The following CTNNA1 variants were observed in gnomAD, a reference collection of about 807,000 sequenced individuals.
The protein encoded by CTNNA1 is catenin alpha 1.
CTNNA1 carries 37 observed loss-of-function variants against 98.4 expected under a neutral mutation model. The observed-to-expected ratio is 0.38, with a 90% confidence interval of 0.29 to 0.49. The LOEUF is 0.49. Ranked by LOEUF, CTNNA1 falls within the 20% of genes least tolerant of loss-of-function variation. CTNNA1 has a pLI of 0.95. For synonymous variants in CTNNA1, 404 were observed against 413.2 expected (o/e 0.98, Z 0.27); for missense variants, 761 against 1,147.2 (o/e 0.66, Z 4.86).
rs1305977977 is a variant in CTNNA1 at position 138,817,182 on chromosome 5, T to C, written c.588+4880T>C. ...TTTGTTGTGCAGAAGATTTTTAGTT[T>C]ATATAATTCCGTTTGTCTGTTTGAA... On this transcript the variant is annotated intron_variant, in intron 5 of 17. Transcript: ENST00000302763. Among the ~76,000 whole-genome samples, 3 of 152,246 alleles carry C rather than the reference T, an allele frequency of 2.0e-5. No individual in the cohort carries two copies. The East Asian group carries it at 5.8e-4, about 29-fold the overall frequency.
intron 4 of CTNNA1, among the ~76,000 whole-genome samples, chr5:138,811,209 C>T (rs1483769275): frequency 1.8e-3 from 257 of 144,390 alleles, no homozygotes; most frequent in Middle Eastern, 3.5e-3. Context: ...ACGGGGCGGC[C>T]GGGCAGAGAC....
Position 138,753,439 on chromosome 5 carries a change from A to G in CTNNA1, c.-74A>G, listed in dbSNP as rs1225162093. On this transcript the variant is annotated 5_prime_UTR_variant, in exon 1 of 18. Coordinates refer to ENST00000302763, the MANE Select transcript of CTNNA1 (RefSeq NM_001903.5). Reference sequence around the variant, plus strand: ...CGGCCCATTTCCTCCTCCTAGCCGGACTGGAGGGAGACAAAGCAGCGCCCG... The same window carrying G: ...CGGCCCATTTCCTCCTCCTAGCCGGGCTGGAGGGAGACAAAGCAGCGCCCG... 3 of 369,860 alleles carry G rather than the reference A, an allele frequency of 8.1e-6. No homozygotes were observed. Among genetic ancestry groups the G allele is most frequent in the Non-Finnish European group, 1.4e-5 (3 of 208,596 alleles). The allele number at this position is 369,860 out of a possible 1,614,324, so 22.9% of individuals were successfully genotyped here.
At chr5:138,858,604 T>TC (rs72325126) in intron 7 of CTNNA1, among the ~76,000 whole-genome samples, 6 of 146,342 alleles carry the variant, frequency 4.1e-5, no homozygotes, top group African/African-American at 1.3e-4. Context: ...CTTTTTTTTT[T>TC]TTTTTTTTTG....
intron 9 of CTNNA1, among the ~76,000 whole-genome samples, chr5:138,894,286 T>C (rs1346390796): frequency 6.7e-6 from 1 of 149,396 alleles, no homozygotes; most frequent in Non-Finnish European, 1.5e-5. Context: ...TTTCTCTTTT[T>C]TTTTTTTTTT....
At chr5:138,757,588 C>T (rs558775547) in intron 1 of CTNNA1, among the ~76,000 whole-genome samples, 3 of 152,310 alleles carry the variant, frequency 2.0e-5, no homozygotes, top group East Asian at 1.9e-4. Flanking sequence ...TCTTAAGACT[C>T]AGCACTTTCG....
chr5:138,861,917 A>T (rs1764320839), intron 7 of CTNNA1, among the ~76,000 whole-genome samples: 1 of 152,218 alleles, frequency 6.6e-6, no homozygotes. Flanking sequence ...TAGTAAGCCC[A>T]CGGTCAAGAG....
At chr5:138,859,505 A>G (rs1764065268) in intron 7 of CTNNA1, among the ~76,000 whole-genome samples, 1 of 152,212 alleles carries the variant, frequency 6.6e-6, no homozygotes. Flanking sequence ...ACGACTAATA[A>G]ACATTCTAAC....
At position 138,783,364 on chromosome 5, in the gene CTNNA1, G is replaced by A. The variant is rs746832628; in HGVS notation, c.293G>A (p.Arg98Gln). 28 of 1,612,850 alleles carry A rather than the reference G, an allele frequency of 1.7e-5. No homozygotes were observed. In the Admixed American group the frequency reaches 3.5e-4, roughly 20 times the overall value. The change falls in exon 3 of 18, where the codon CGA becomes CAA. Residue 98 changes from arginine to glutamine, a missense_variant. Physicochemically the swap from Arg to Gln is conservative, Grantham distance 43 (BLOSUM62 1). This residue lies in a region of CTNNA1 where 328 missense variants were observed against 354.3 expected (regional missense o/e 0.93). Coordinates refer to ENST00000302763, the MANE Select transcript of CTNNA1 (RefSeq NM_001903.5). ...EELVAAVEDVRKQGDLMKAAA... is the reference protein window; with the variant it reads ...EELVAAVEDVQKQGDLMKAAA... Reference sequence around the variant, plus strand: ...CTTGTGGCTGCTGTAGAAGATGTTCGAAAACAAGGTAGGTCATTACTGCTT... The same window carrying A: ...CTTGTGGCTGCTGTAGAAGATGTTCAAAAACAAGGTAGGTCATTACTGCTT...
At chr5:138,789,500 C>T (rs915904245) in intron 3 of CTNNA1, among the ~76,000 whole-genome samples, 5 of 152,072 alleles carry the variant, frequency 3.3e-5, no homozygotes, top group Admixed American at 2.6e-4. Flanking sequence ...CTCTGTCGTC[C>T]AGGCCGGAAT....
chr5:138,781,875 A>C (rs1755151979), intron 1 of CTNNA1, 48 bp from the exon 2 acceptor site: 3 of 1,512,398 alleles, frequency 2.0e-6, no homozygotes, highest in Admixed American at 4.7e-5. Context: ...TACATATTTC[A>C]TGTTTGTGTT....
intron 5 of CTNNA1, among the ~76,000 whole-genome samples, chr5:138,816,995 C>T (rs898460962): frequency 2.0e-5 from 3 of 152,146 alleles, no homozygotes; most frequent in African/African-American, 7.2e-5. Context: ...CCCACCGTGC[C>T]CGGCTACATT....
intron 3 of CTNNA1, among the ~76,000 whole-genome samples, chr5:138,792,284 A>G (rs1756465055): frequency 6.6e-6 from 1 of 152,166 alleles, no homozygotes; most frequent in Non-Finnish European, 1.5e-5. Context: ...ATCCCTGACA[A>G]AAGGTTATTG....
At chr5:138,916,267 T>C (rs565449709) in intron 10 of CTNNA1, among the ~76,000 whole-genome samples, 2 of 151,274 alleles carry the variant, frequency 1.3e-5, no homozygotes, top group African/African-American at 4.9e-5. Context: ...GTGATGAAAA[T>C]GTTCTAAAAC....
chr5:138,794,258 C>G (rs769310248), intron 3 of CTNNA1, among the ~76,000 whole-genome samples: 1 of 152,044 alleles, frequency 6.6e-6, no homozygotes, highest in Admixed American at 6.6e-5. Flanking sequence ...CTCAGGTGAT[C>G]GGCCTGCCTT....
intron 9 of CTNNA1, among the ~76,000 whole-genome samples, chr5:138,897,308 C>T (rs894095779): frequency 1.1e-5 from 1 of 87,234 alleles, no homozygotes; most frequent in African/African-American, 4.7e-5. Context: ...CCCCCCCCCC[C>T]GCCCCCGCCC....
intron 1 of CTNNA1, among the ~76,000 whole-genome samples, chr5:138,773,042 G>T (rs1753719882): frequency 6.6e-6 from 1 of 152,228 alleles, no homozygotes; most frequent in Non-Finnish European, 1.5e-5. Flanking sequence ...ATAAGTGACA[G>T]TGCTGGTTCC....
chr5:138,757,992 T>C (rs1751870984), intron 1 of CTNNA1, among the ~76,000 whole-genome samples: 1 of 152,044 alleles, frequency 6.6e-6, no homozygotes, highest in Non-Finnish European at 1.5e-5. Flanking sequence ...ATGTGTAATA[T>C]ATTCTTTTTT....
At chr5:138,815,305 G>T (rs1183287123) in intron 5 of CTNNA1, among the ~76,000 whole-genome samples, 2 of 151,948 alleles carry the variant, frequency 1.3e-5, no homozygotes, top group Non-Finnish European at 2.9e-5. Flanking sequence ...ATACATGCTG[G>T]ATAATCTTCT....
chr5:138,791,347 G>C (rs948405131), intron 3 of CTNNA1, among the ~76,000 whole-genome samples: 2 of 151,908 alleles, frequency 1.3e-5, no homozygotes, highest in African/African-American at 4.8e-5. Context: ...GGCCGGGTGC[G>C]GTGGCTCATG....
Sources: allele counts gnomAD v4.1 joint callset (sites outside exome capture counted in the v4.1 genomes callset), GRCh38; gene constraint gnomAD v4.1.1; regional missense constraint gnomAD v4.1.1; transcripts MANE v1.5; gene names NCBI Gene and HGNC (gene_info 2026-07-23, HGNC 2026-07-21).